NRG1: variants seen among roughly 807,000 people sequenced by gnomAD.
The protein encoded by NRG1 is neuregulin 1.
Under a neutral mutation model 63.8 loss-of-function variants are expected in NRG1, and 18 were observed. The ratio of observed to expected loss-of-function variants is 0.28; its 90% CI spans 0.19 to 0.42. The LOEUF is 0.42. NRG1 is among the 10% of genes least tolerant of loss of function. The pLI is 1.00. For missense variants in NRG1, 762 were observed against 814.7 expected, an observed-to-expected ratio of 0.94 and a Z score of 0.79; for synonymous variants, 302 against 301.3, an observed-to-expected ratio of 1.00 and a Z score of -0.02.
At chr8:31,935,358 A>G (rs1313101549) in intron 1 of NRG1, among the ~76,000 whole-genome samples, 3 of 152,130 alleles carry the variant, frequency 2.0e-5, no homozygotes, top group African/African-American at 7.2e-5. Context: ...CCTGTGTTCA[A>G]GTGGTCCTCC....
At chr8:32,139,882 G>T (rs1321474850) in intron 1 of NRG1, among the ~76,000 whole-genome samples, 1 of 152,216 alleles carries the variant, frequency 6.6e-6, no homozygotes, top group Non-Finnish European at 1.5e-5. Context: ...ATACAAAGTA[G>T]CTTCTGAAAG....
intron 1 of NRG1, among the ~76,000 whole-genome samples, chr8:32,098,293 A>C (rs1301588240): frequency 6.6e-6 from 1 of 152,222 alleles, no homozygotes. Flanking sequence ...CATCAAAGTA[A>C]AAGACACACA....
intron 1 of NRG1, among the ~76,000 whole-genome samples, chr8:31,698,505 T>A (rs946426802): frequency 1.3e-5 from 2 of 152,238 alleles, no homozygotes; most frequent in Admixed American, 6.5e-5. Context: ...TAACTTTCTA[T>A]AATGTTCAGC....
chr8:32,643,519 T>C (rs973426971), intron 5 of NRG1, among the ~76,000 whole-genome samples: 1 of 152,172 alleles, frequency 6.6e-6, no homozygotes, highest in African/African-American at 2.4e-5. Context: ...GGAGCCATCT[T>C]GAACGTTTCC....
intron 1 of NRG1, among the ~76,000 whole-genome samples, chr8:32,248,653 C>T (rs16879024): frequency 0.044 from 6,691 of 151,902 alleles, 496 homozygotes; most frequent in African/African-American, 0.15. Flanking sequence ...AATATTAGTA[C>T]CATTGAAAGT....
chr8:32,473,953 A>G (rs1245858612), intron 1 of NRG1, among the ~76,000 whole-genome samples: 1 of 152,094 alleles, frequency 6.6e-6, no homozygotes, highest in Non-Finnish European at 1.5e-5. Flanking sequence ...CCTAAGTACC[A>G]GGATTACAGG....
chr8:32,066,394 T>C (rs1312253614), intron 1 of NRG1, among the ~76,000 whole-genome samples: 1 of 152,240 alleles, frequency 6.6e-6, no homozygotes, highest in Admixed American at 6.5e-5. Context: ...CAGTTTCAGC[T>C]TTTTACATAT....
intron 1 of NRG1, among the ~76,000 whole-genome samples, chr8:32,587,214 C>CA (rs895818031): frequency 1.7e-3 from 234 of 136,860 alleles, no homozygotes; most frequent in African/African-American, 2.9e-3. Context: ...ACTCTGCCGC[C>CA]AAAAAAAAAA....
chr8:32,540,107 T>C (rs1026831550), intron 1 of NRG1, among the ~76,000 whole-genome samples: 2 of 152,186 alleles, frequency 1.3e-5, no homozygotes, highest in Admixed American at 6.5e-5. Flanking sequence ...TTATGGTTTC[T>C]TCGATAGAAA....
chr8:32,083,086 A>G (rs1248675496), intron 1 of NRG1, among the ~76,000 whole-genome samples: 1 of 152,166 alleles, frequency 6.6e-6, no homozygotes, highest in African/African-American at 2.4e-5. Context: ...AGTCATGAGT[A>G]TGCCTCCACC....
chr8:32,068,082 G>T (rs1825164925), intron 1 of NRG1, among the ~76,000 whole-genome samples: 1 of 152,152 alleles, frequency 6.6e-6, no homozygotes, highest in South Asian at 2.1e-4. Flanking sequence ...TTCTAAGAAT[G>T]GGATGGCATG....
At chr8:32,126,446 C>T (rs1229818702) in intron 1 of NRG1, among the ~76,000 whole-genome samples, 1 of 151,860 alleles carries the variant, frequency 6.6e-6, no homozygotes, top group Non-Finnish European at 1.5e-5. Flanking sequence ...AGGTTAATGT[C>T]TCTCCTCACC....
At chr8:32,717,089 A>G (rs942785559) in intron 5 of NRG1, among the ~76,000 whole-genome samples, 3 of 152,106 alleles carry the variant, frequency 2.0e-5, no homozygotes, top group Non-Finnish European at 2.9e-5. Flanking sequence ...ATGTAAAGTT[A>G]ATTTATCATT....
At chr8:31,858,794 G>A (rs571951674) in intron 1 of NRG1, among the ~76,000 whole-genome samples, 35 of 152,252 alleles carry the variant, frequency 2.3e-4, no homozygotes, top group African/African-American at 6.3e-4. Flanking sequence ...CCAGGACAAC[G>A]CCCGACTGCA....
intron 1 of NRG1, among the ~76,000 whole-genome samples, chr8:32,140,144 G>A (rs918874652): frequency 3.3e-5 from 5 of 152,142 alleles, no homozygotes; most frequent in African/African-American, 1.2e-4. Context: ...CCACGGTGCT[G>A]GAGTTTGTAG....
At chr8:32,338,577 C>G (rs1349747884) in intron 1 of NRG1, among the ~76,000 whole-genome samples, 1 of 152,084 alleles carries the variant, frequency 6.6e-6, no homozygotes, top group African/African-American at 2.4e-5. Context: ...CACGTGGACT[C>G]TCTTCTCAAA....
intron 1 of NRG1, among the ~76,000 whole-genome samples, chr8:31,648,967 T>C (rs28883989): frequency 0.22 from 33,596 of 151,306 alleles, 4,116 homozygotes; most frequent in African/African-American, 0.26. Context: ...CTTTTCTTTT[T>C]TTTTTTTTTG....
Position 32,742,834 on chromosome 8 carries a change from A to G in NRG1, c.691+101A>G. ...CCCCTCAGATTCCACCTAGAGCTAG[A>G]TGTGTCTTACCAGATCTAATATTGA... On this transcript the variant is annotated intron_variant, in intron 7 of 11. Coordinates refer to ENST00000356819, the Ensembl canonical transcript of NRG1. The surrounding 1 kb of genome is among the most constrained non-coding windows in gnomAD (Gnocchi z 4.2). 1 of 1,610,586 alleles carries G rather than the reference A, an allele frequency of 6.2e-7. No homozygotes were observed.
intron 1 of NRG1, among the ~76,000 whole-genome samples, chr8:32,012,692 T>A (rs575179919): frequency 6.6e-6 from 1 of 152,120 alleles, no homozygotes; most frequent in East Asian, 1.9e-4. Context: ...ACTGGAAAAT[T>A]GGACTAAAAA....
Sources: allele counts gnomAD v4.1 joint callset (sites outside exome capture counted in the v4.1 genomes callset), GRCh38; gene constraint gnomAD v4.1.1; non-coding constraint Gnocchi (gnomAD v3.1); transcripts MANE v1.5; gene names NCBI Gene and HGNC (gene_info 2026-07-23, HGNC 2026-07-21).